Variants in ANKHD1 observed in about 807,000 individuals in gnomAD.
The protein encoded by ANKHD1 is ankyrin repeat and KH domain-containing protein 1.
In ANKHD1, 31 loss-of-function variants were observed where a neutral mutation model predicts 230.5. The observed-to-expected ratio is 0.13, with a 90% CI of 0.10 to 0.18. The LOEUF (loss-of-function observed/expected upper bound fraction) is 0.18. Ranked by LOEUF, ANKHD1 falls within the 10% of genes least tolerant of loss-of-function variation. The pLI is 1.00. For missense variants in ANKHD1, 2,256 were observed against 3,071.3 expected (o/e 0.73, Z 6.27); for synonymous variants, 1,074 against 1,117.6 (o/e 0.96, Z 0.78).
chr5:140,501,872 C>T (rs570876735), intron 15 of ANKHD1, among the ~76,000 whole-genome samples: 1 of 151,974 alleles, frequency 6.6e-6, no homozygotes, highest in South Asian at 2.1e-4. Flanking sequence ...AGTCAAGTAA[C>T]ATACTGTACT....
chr5:140,481,946 T>C lies in ANKHD1; in HGVS notation c.1783-634T>C, dbSNP rs904207296. ...GCAAGCTCCTTTTAGTGGCATTTGATGTGAGGCATGCATGGTTAAAAACTG... is the reference window on the plus strand; with the variant it reads ...GCAAGCTCCTTTTAGTGGCATTTGACGTGAGGCATGCATGGTTAAAAACTG... On this transcript the variant is annotated intron_variant, in intron 10 of 33. Transcript: ENST00000360839. 5.3e-5 allele frequency among the ~76,000 whole-genome samples: 8 copies of C among 152,114 alleles called. No homozygotes were observed. The South Asian group carries it at 6.2e-4, about 12-fold the overall frequency.
intron 10 of ANKHD1, among the ~76,000 whole-genome samples, chr5:140,481,974 T>G (rs1415527528): frequency 6.6e-6 from 1 of 152,108 alleles, no homozygotes; most frequent in Non-Finnish European, 1.5e-5. Flanking sequence ...AAAAACTGTT[T>G]TATCATTCAT....
chr5:140,445,069 C>A (rs1489993257), intron 5 of ANKHD1, among the ~76,000 whole-genome samples: 1 of 151,950 alleles, frequency 6.6e-6, no homozygotes, highest in Non-Finnish European at 1.5e-5. Flanking sequence ...GTCTCAAACT[C>A]CTTGGTCTCA....
chr5:140,462,458 G>A (rs894868230), intron 9 of ANKHD1, among the ~76,000 whole-genome samples: 9 of 151,954 alleles, frequency 5.9e-5, no homozygotes, highest in Admixed American at 3.9e-4. Flanking sequence ...AAGGCCAGGC[G>A]TGGTGGCTGT....
intron 1 of ANKHD1, among the ~76,000 whole-genome samples, chr5:140,427,945 C>T (rs1299105337): frequency 6.6e-6 from 1 of 151,540 alleles, no homozygotes; most frequent in Non-Finnish European, 1.5e-5. Context: ...CAGAGGGTCT[C>T]CTCACTTCTC....
In ANKHD1 at chr5:140,491,135, T is replaced by TATAC. The variant is rs1554091209; in HGVS notation, c.2245+4076_2245+4077insTACA. ...ACACACACACATATATATATATATA[T>TATAC]ACACATATATATATATATATATATA... On this transcript the variant is annotated intron_variant, in intron 14 of 33. Coordinates refer to ENST00000360839, the MANE Select transcript of ANKHD1 (RefSeq NM_017747.3). 2.7e-3 allele frequency among the ~76,000 whole-genome samples: 202 copies of TATAC among 75,036 alleles called. 1 individual carries two copies. The highest frequency in any genetic ancestry group is 6.2e-3 in the African/African-American group (130 of 21,086). 49.2% of individuals were successfully genotyped at this position (75,036 alleles called of 152,430 possible).
rs780033378 is a variant in ANKHD1, at chr5:140,529,448, A to C, written c.6502A>C (p.Thr2168Pro). The change falls in exon 29 of 34, where the codon ACA becomes CCA. Residue 2168 changes from threonine (T) to proline (P), a missense_variant. Physicochemically the swap from Thr to Pro is conservative, Grantham distance 38 (BLOSUM62 -1). This residue lies in a region of ANKHD1 where 778 missense variants were observed against 966.5 expected (regional missense o/e 0.80). Coordinates refer to ENST00000360839, the MANE Select transcript of ANKHD1 (RefSeq NM_017747.3). ...SIFVTNPVTL[T>P]PPQGPPAAVQ... ...TTTTGTTACGAATCCAGTTACTTTA[A>C]CACCACCTCAAGGCCCACCAGCTGC... 4.3e-6 allele frequency: 7 copies of C among 1,614,054 alleles called. No homozygotes were observed. The highest frequency in any genetic ancestry group is 2.7e-5 in the African/African-American group (2 of 74,912).
chr5:140,417,649 C>T (rs1052598670), intron 1 of ANKHD1, among the ~76,000 whole-genome samples: 1 of 151,814 alleles, frequency 6.6e-6, no homozygotes, highest in Non-Finnish European at 1.5e-5. Flanking sequence ...TGGGCTTTGC[C>T]ATGTTGCCCA....
chr5:140,485,604 C>T lies in ANKHD1; in HGVS notation c.2014C>T (p.Leu672Phe), dbSNP rs1751471400. The T allele has an allele frequency of 2.5e-6, 4 of 1,613,724 alleles. No homozygotes were observed. Among genetic ancestry groups the T allele is most frequent in the Non-Finnish European group, 3.4e-6 (4 of 1,179,960 alleles). Residue 672 changes from leucine (L) to phenylalanine (F), a missense_variant, in exon 13 of 34, where the codon CTC becomes TTC. Around this residue, in one of 13 missense-constraint regions of ANKHD1, gnomAD observed 23 missense variants for 51.8 expected, o/e 0.44. Transcript: ENST00000360839. The surrounding 1 kb of genome is among the most constrained non-coding windows in gnomAD (Gnocchi z 4.8). ...TCTTTTTCAGGATGGTTCAACAATG[C>T]TCATTGAAGCTGCAAAGGGTGGCCA... is the stretch of plus-strand genomic sequence containing the variant. The part of the protein sequence containing the change: ...THRLKDGSTM[L>F]IEAAKGGHTN...
intron 7 of ANKHD1, among the ~76,000 whole-genome samples, chr5:140,454,711 C>G (rs1775024404): frequency 6.6e-6 from 1 of 152,194 alleles, no homozygotes; most frequent in African/African-American, 2.4e-5. Flanking sequence ...ACATTTAAAG[C>G]AGTGTGTAGA....
chr5:140,489,336 A>T (rs1048344847), intron 14 of ANKHD1, among the ~76,000 whole-genome samples: 2 of 152,140 alleles, frequency 1.3e-5, no homozygotes, highest in Non-Finnish European at 2.9e-5. Flanking sequence ...AAAAAAATTT[A>T]AAAATTAGCC....
intron 1 of ANKHD1, among the ~76,000 whole-genome samples, chr5:140,431,148 T>C (rs1320010239): frequency 6.6e-6 from 1 of 152,202 alleles, no homozygotes; most frequent in Non-Finnish European, 1.5e-5. Context: ...TTTAAAGTTA[T>C]AAAGAGGGTG....
intron 22 of ANKHD1, 128 bp downstream of exon 22, chr5:140,510,309 C>CATT: frequency 1.9e-6 from 1 of 539,196 alleles, no homozygotes; most frequent in Non-Finnish European, 2.5e-6. Flanking sequence ...TCTTTCCATT[C>CATT]TTTTTTTTTT....
At chr5:140,406,332 G>C (rs1315861442) in intron 1 of ANKHD1, among the ~76,000 whole-genome samples, 3 of 152,054 alleles carry the variant, frequency 2.0e-5, no homozygotes, top group African/African-American at 7.2e-5. Context: ...AGTTTGTCTT[G>C]TTGCTCTAAT....
intron 14 of ANKHD1, among the ~76,000 whole-genome samples, chr5:140,491,981 G>A (rs528896807): frequency 6.6e-6 from 1 of 152,244 alleles, no homozygotes; most frequent in Non-Finnish European, 1.5e-5. Context: ...TCAAGAAGTA[G>A]CATTCTAGAA....
chr5:140,450,374 C>T (rs1376368021), intron 7 of ANKHD1, among the ~76,000 whole-genome samples: 2 of 151,146 alleles, frequency 1.3e-5, no homozygotes, highest in Admixed American at 6.6e-5. Context: ...TAGCTCACTG[C>T]AGCCTACCTC....
chr5:140,517,099 A>G (rs559965061), intron 24 of ANKHD1, among the ~76,000 whole-genome samples: 4 of 147,306 alleles, frequency 2.7e-5, no homozygotes, highest in African/African-American at 7.6e-5. Flanking sequence ...AGGAAGATCT[A>G]CCAAGCAAAT....
intron 10 of ANKHD1, among the ~76,000 whole-genome samples, chr5:140,475,546 AC>A (rs1438948233): frequency 6.6e-6 from 1 of 151,732 alleles, no homozygotes; most frequent in Non-Finnish European, 1.5e-5. Flanking sequence ...TATGTAAAAA[AC>A]AAAACAAAAC....
intron 9 of ANKHD1, among the ~76,000 whole-genome samples, chr5:140,461,519 A>G (rs979610500): frequency 6.6e-6 from 1 of 152,188 alleles, no homozygotes; most frequent in Non-Finnish European, 1.5e-5. Context: ...CCTTTTTGTT[A>G]TGGCATTTTT....
Sources: gnomAD v4.1 joint callset for allele counts (sites outside exome capture counted in the v4.1 genomes callset) on GRCh38, gnomAD v4.1.1 for gene constraint, gnomAD v4.1.1 regional missense constraint, Gnocchi (gnomAD v3.1) non-coding constraint, MANE v1.5 for transcripts, NCBI Gene and HGNC (gene_info 2026-07-23, HGNC 2026-07-21) for gene names.